The following LAMA2 variants were observed in gnomAD, a reference collection of about 807,000 sequenced individuals.
LAMA2 encodes laminin subunit alpha-2.
LAMA2 carries 269 observed loss-of-function variants against 364.8 expected under a neutral mutation model. The ratio of observed to expected loss-of-function variants is 0.74; its 90% CI spans 0.67 to 0.82. The LOEUF (loss-of-function observed/expected upper bound fraction) is 0.82, where lower values mean the gene tolerates loss of function less well. Ranked by LOEUF, LAMA2 falls within the 40% of genes least tolerant of loss-of-function variation. The pLI, the probability that LAMA2 is intolerant of heterozygous loss-of-function variation, is 0.00. For missense variants in LAMA2, 3,807 were observed against 3,873.2 expected, an observed-to-expected ratio of 0.98 and a Z score of 0.45; for synonymous variants, 1,379 against 1,370.6, an observed-to-expected ratio of 1.01 and a Z score of -0.14.
chr6:129,331,091 G>C (rs896668285), intron 29 of LAMA2, among the ~76,000 whole-genome samples: 4 of 151,936 alleles, frequency 2.6e-5, no homozygotes, highest in Non-Finnish European at 5.9e-5. Context: ...GGATGGACTC[G>C]ATCTCCTGAC....
At chr6:128,967,619 T>C (rs546979283) in intron 1 of LAMA2, among the ~76,000 whole-genome samples, 85 of 152,278 alleles carry the variant, frequency 5.6e-4, no homozygotes, top group African/African-American at 2.0e-3. Context: ...TGCTCAAAAA[T>C]GTAACGGGAT....
At chr6:129,254,182 T>C (rs1202051375) in intron 14 of LAMA2, among the ~76,000 whole-genome samples, 1 of 152,226 alleles carries the variant, frequency 6.6e-6, no homozygotes, top group Non-Finnish European at 1.5e-5. Flanking sequence ...AAAATTCATA[T>C]TCAGACTTAT....
chr6:128,997,770 G>A (rs1035467745), intron 1 of LAMA2, among the ~76,000 whole-genome samples: 2 of 152,116 alleles, frequency 1.3e-5, no homozygotes, highest in South Asian at 4.1e-4. Context: ...ACTCCAGCCT[G>A]GCCAACAGAG....
intron 32 of LAMA2, among the ~76,000 whole-genome samples, chr6:129,362,626 A>G (rs1777531398): frequency 6.6e-6 from 1 of 152,222 alleles, no homozygotes; most frequent in African/African-American, 2.4e-5. Context: ...CACCATAACC[A>G]AGGTGTTTAA....
intron 29 of LAMA2, among the ~76,000 whole-genome samples, chr6:129,334,365 A>G (rs1236158793): frequency 6.6e-6 from 1 of 152,212 alleles, no homozygotes; most frequent in Non-Finnish European, 1.5e-5. Context: ...AATGAAAACA[A>G]TAATAGTGGC....
intron 1 of LAMA2, among the ~76,000 whole-genome samples, chr6:128,981,202 A>T (rs958812124): frequency 6.6e-6 from 1 of 151,924 alleles, no homozygotes; most frequent in African/African-American, 2.4e-5. Flanking sequence ...TCTCTCCCTA[A>T]CTCAGATAAT....
chr6:129,503,881 C>T (rs1785844887), intron 60 of LAMA2, among the ~76,000 whole-genome samples: 1 of 152,116 alleles, frequency 6.6e-6, no homozygotes, highest in Non-Finnish European at 1.5e-5. Context: ...AAAACGTTGG[C>T]CTTACACCCA....
intron 8 of LAMA2, among the ~76,000 whole-genome samples, chr6:129,161,323 T>TCC (rs1206077421): frequency 2.0e-5 from 3 of 152,130 alleles, no homozygotes; most frequent in Admixed American, 2.0e-4. Context: ...GATGGATTTT[T>TCC]TATCCTGACA....
intron 1 of LAMA2, among the ~76,000 whole-genome samples, chr6:129,043,833 T>C (rs181812332): frequency 4.1e-4 from 62 of 152,308 alleles, no homozygotes; most frequent in African/African-American, 1.4e-3. Flanking sequence ...CCCAACTTTT[T>C]TCTTTCCTGT....
chr6:129,288,702 C>G (rs1327139189), intron 19 of LAMA2, among the ~76,000 whole-genome samples: 2 of 152,146 alleles, frequency 1.3e-5, no homozygotes, highest in African/African-American at 2.4e-5. Flanking sequence ...CATTTCTCCC[C>G]TCTTTACCTT....
At chr6:129,497,255 A>T (rs543461834) in intron 58 of LAMA2, among the ~76,000 whole-genome samples, 2 of 149,462 alleles carry the variant, frequency 1.3e-5, no homozygotes, top group African/African-American at 2.5e-5. Flanking sequence ...TAGATTCTTT[A>T]TTTTTTTTTT....
At chr6:129,414,334 C>A (rs938165799) in intron 40 of LAMA2, among the ~76,000 whole-genome samples, 1 of 152,022 alleles carries the variant, frequency 6.6e-6, no homozygotes, top group African/African-American at 2.4e-5. Flanking sequence ...GAGGCTGATA[C>A]AATCTTGATG....
intron 62 of LAMA2, among the ~76,000 whole-genome samples, chr6:129,511,701 T>C (rs1786592351): frequency 6.8e-6 from 1 of 147,556 alleles, no homozygotes; most frequent in African/African-American, 2.5e-5. Context: ...GTGATGTATC[T>C]ATCTTAAATA....
At chr6:129,165,774 T>C (rs1019829303) in intron 9 of LAMA2, 99 bp downstream of exon 9, 4 of 784,824 alleles carry the variant, frequency 5.1e-6, no homozygotes, top group Admixed American at 2.0e-5. Context: ...ATGTTATTCA[T>C]GTAATAAATT....
chr6:128,894,329 T>A (rs1776638950), intron 1 of LAMA2, among the ~76,000 whole-genome samples: 1 of 152,188 alleles, frequency 6.6e-6, no homozygotes, highest in Non-Finnish European at 1.5e-5. Context: ...TTTATGACTA[T>A]TGATCTCACC....
chr6:129,256,099 T>G (rs1358812496), intron 14 of LAMA2, among the ~76,000 whole-genome samples: 1 of 152,228 alleles, frequency 6.6e-6, no homozygotes, highest in African/African-American at 2.4e-5. Context: ...AATTGGCAAT[T>G]AAGTGAAAAC....
intron 3 of LAMA2, among the ~76,000 whole-genome samples, chr6:129,072,080 G>A (rs1315499942): frequency 1.3e-5 from 2 of 152,162 alleles, no homozygotes; most frequent in African/African-American, 4.8e-5. Context: ...CCAGGAGGTA[G>A]AGGTTGTGGT....
chr6:129,393,361 AAG>A (rs1779429992), intron 37 of LAMA2, 106 bp downstream of exon 37: 1 of 851,424 alleles, frequency 1.2e-6, no homozygotes, highest in African/African-American at 1.7e-5. Flanking sequence ...TACAAAAGTC[AAG>A]AGTGACAACT....
Position 129,502,690 on chromosome 6 carries a change from T to C in LAMA2, c.8276T>C (p.Leu2759Pro). The change falls in exon 59 of 65, where the codon CTT becomes CCT. Residue 2759 changes from leucine (L) to proline (P), a missense_variant. By Grantham distance (98) the Leu-to-Pro change is moderately conservative (BLOSUM62 -3). Transcript: ENST00000421865. ...GPCAAESEPA[L>P]LIGSKQFGLS... is the part of the protein sequence containing the mutation. ...TGTGCTGCAGAATCAGAACCAGCTC[T>C]TTTGATAGGGAGCAAGCAGTTCGGG... 6.2e-7 allele frequency: 1 copy of C among 1,613,994 alleles called. No homozygotes were observed. Among genetic ancestry groups the C allele is most frequent in the Non-Finnish European group, 8.5e-7 (1 of 1,179,876 alleles).
Sources: gnomAD v4.1 joint callset for allele counts (sites outside exome capture counted in the v4.1 genomes callset) on GRCh38, gnomAD v4.1.1 for gene constraint, MANE v1.5 for transcripts, NCBI Gene and HGNC (gene_info 2026-07-23, HGNC 2026-07-21) for gene names.